CERS6: variants seen among roughly 807,000 people sequenced by gnomAD.
CERS6 encodes ceramide synthase 6.
A neutral mutation model predicts 56.8 loss-of-function variants in CERS6; 26 were observed. The observed-to-expected ratio is 0.46, with a 90% CI of 0.34 to 0.63. The LOEUF (loss-of-function observed/expected upper bound fraction) is 0.63. Ranked by LOEUF, CERS6 falls within the 30% of genes least tolerant of loss-of-function variation. CERS6 has a pLI of 0.01. For missense variants in CERS6, 415 were observed against 467.5 expected, an observed-to-expected ratio of 0.89 and a Z score of 1.04; for synonymous variants, 164 against 173.3, an observed-to-expected ratio of 0.95 and a Z score of 0.42.
At chr2:168,496,579 TAGTG>T (rs1165937239) in intron 1 of CERS6, among the ~76,000 whole-genome samples, 3 of 152,170 alleles carry the variant, frequency 2.0e-5, no homozygotes, top group African/African-American at 4.8e-5. Flanking sequence ...GTCAAATTGA[TAGTG>T]AGCACAACAC....
chr2:168,683,409 C>G (rs770126950), intron 4 of CERS6, among the ~76,000 whole-genome samples: 2 of 152,114 alleles, frequency 1.3e-5, no homozygotes, highest in Non-Finnish European at 2.9e-5. Context: ...TCCCATTTTT[C>G]TCATTGGATA....
At chr2:168,475,882 A>T (rs1226806374) in intron 1 of CERS6, among the ~76,000 whole-genome samples, 1 of 152,174 alleles carries the variant, frequency 6.6e-6, no homozygotes, top group Admixed American at 6.5e-5. Context: ...CAAGGCTTAG[A>T]ATCAGACATT....
intron 1 of CERS6, among the ~76,000 whole-genome samples, chr2:168,498,340 C>CA (rs1211343629): frequency 3.3e-5 from 5 of 152,022 alleles, no homozygotes; most frequent in Admixed American, 3.3e-4. Context: ...TGAAAAAAAT[C>CA]ACAAATCTGT....
At chr2:168,629,823 C>CT (rs964154290) in intron 3 of CERS6, among the ~76,000 whole-genome samples, 204 of 148,018 alleles carry the variant, frequency 1.4e-3, no homozygotes, top group African/African-American at 4.4e-3. Context: ...AACTTTTTTT[C>CT]TTTTTTTTTT....
At chr2:168,657,798 C>G (rs1208981489) in intron 4 of CERS6, among the ~76,000 whole-genome samples, 1 of 152,236 alleles carries the variant, frequency 6.6e-6, no homozygotes, top group Non-Finnish European at 1.5e-5. Context: ...CGCACGCAGC[C>G]CCGGTTCCCG....
At chr2:168,516,142 G>A (rs1378688623) in intron 1 of CERS6, among the ~76,000 whole-genome samples, 1 of 152,056 alleles carries the variant, frequency 6.6e-6, no homozygotes, top group Admixed American at 6.6e-5. Context: ...GGTTTGCCAC[G>A]TGGAAATGGG....
chr2:168,542,496 G>A (rs1695390378), intron 1 of CERS6, among the ~76,000 whole-genome samples: 1 of 152,134 alleles, frequency 6.6e-6, no homozygotes, highest in Admixed American at 6.5e-5. Flanking sequence ...CACCATCACA[G>A]CATCCCAACT....
intron 1 of CERS6, among the ~76,000 whole-genome samples, chr2:168,514,059 A>G (rs1305712134): frequency 2.6e-5 from 4 of 152,244 alleles, no homozygotes; most frequent in African/African-American, 4.8e-5. Context: ...AGGGAAATAA[A>G]TGATAGTAAT....
intron 1 of CERS6, among the ~76,000 whole-genome samples, chr2:168,535,588 T>C (rs899637869): frequency 6.6e-6 from 1 of 151,668 alleles, no homozygotes; most frequent in African/African-American, 2.4e-5. Context: ...ACGCTTACTA[T>C]GGTTCTTTTT....
At chr2:168,626,251 G>A (rs1684588140) in intron 3 of CERS6, among the ~76,000 whole-genome samples, 1 of 152,144 alleles carries the variant, frequency 6.6e-6, no homozygotes, top group Admixed American at 6.5e-5. Flanking sequence ...GGGGATAGAG[G>A]AAGTACTATA....
intron 1 of CERS6, among the ~76,000 whole-genome samples, chr2:168,530,800 G>A (rs1387135038): frequency 6.6e-6 from 1 of 152,146 alleles, no homozygotes; most frequent in Non-Finnish European, 1.5e-5. Context: ...TGGCCTTTTG[G>A]TCTCTGATCT....
chr2:168,561,405 G>C, intron 3 of CERS6, 83 bp downstream of exon 3: 1 of 1,468,938 alleles, frequency 6.8e-7, no homozygotes, highest in Non-Finnish European at 9.3e-7. Flanking sequence ...ATCTGTGCAG[G>C]CTTCAGCAGC....
chr2:168,543,329 A>G (rs1695407085), intron 1 of CERS6, among the ~76,000 whole-genome samples: 1 of 152,104 alleles, frequency 6.6e-6, no homozygotes, highest in South Asian at 2.1e-4. Flanking sequence ...GAAAGCACAT[A>G]TTTCCTTTCA....
chr2:168,766,720 A>G (rs557920946), intron 9 of CERS6, among the ~76,000 whole-genome samples: 2 of 152,348 alleles, frequency 1.3e-5, no homozygotes, highest in South Asian at 4.1e-4. Flanking sequence ...GGGGGAGAGG[A>G]TCAACACATT....
At chr2:168,530,234 T>TGA (rs1323144926) in intron 1 of CERS6, among the ~76,000 whole-genome samples, 3 of 152,156 alleles carry the variant, frequency 2.0e-5, no homozygotes, top group African/African-American at 7.2e-5. Context: ...TCGCATTCAG[T>TGA]GAGGTACAGT....
At chr2:168,479,593 A>T (rs1301474719) in intron 1 of CERS6, among the ~76,000 whole-genome samples, 3 of 152,194 alleles carry the variant, frequency 2.0e-5, no homozygotes, top group African/African-American at 7.2e-5. Context: ...GAGATGTTAA[A>T]TACCCTTTCT....
intron 1 of CERS6, among the ~76,000 whole-genome samples, chr2:168,506,516 G>C (rs932480285): frequency 6.6e-6 from 1 of 152,122 alleles, no homozygotes; most frequent in Non-Finnish European, 1.5e-5. Flanking sequence ...GGGAAGTTCT[G>C]GCTGATAGAC....
chr2:168,489,179 T>C (rs1482995825), intron 1 of CERS6, among the ~76,000 whole-genome samples: 1 of 152,154 alleles, frequency 6.6e-6, no homozygotes, highest in Non-Finnish European at 1.5e-5. Context: ...TATGGAATTT[T>C]AGGTTGGTGG....
intron 1 of CERS6, among the ~76,000 whole-genome samples, chr2:168,516,222 G>T (rs772284955): frequency 1.3e-5 from 2 of 152,160 alleles, no homozygotes; most frequent in Non-Finnish European, 1.5e-5. Flanking sequence ...GCAGTTCAGA[G>T]AACCAGACTC....
Sources: allele counts gnomAD v4.1 joint callset (sites outside exome capture counted in the v4.1 genomes callset), GRCh38; gene constraint gnomAD v4.1.1; transcripts MANE v1.5; gene names NCBI Gene and HGNC (gene_info 2026-07-23, HGNC 2026-07-21).